Variants in DYNC2H1 observed in about 807,000 individuals in gnomAD.
DYNC2H1 encodes the protein cytoplasmic dynein 2 heavy chain 1.
In DYNC2H1, 410 loss-of-function variants were observed where a neutral mutation model predicts 570.0. The ratio of observed to expected loss-of-function variants is 0.72; its 90% CI spans 0.66 to 0.78. The LOEUF (loss-of-function observed/expected upper bound fraction) is 0.78, where lower values mean the gene tolerates loss of function less well. Ranked by LOEUF, DYNC2H1 falls within the 30% of genes least tolerant of loss-of-function variation. The probability of loss-of-function intolerance (pLI) is 0.00; values close to 1 mark genes in which losing one functional copy is unlikely to be tolerated. For missense variants in DYNC2H1, 4,865 were observed against 5,046.4 expected, an observed-to-expected ratio of 0.96 and a Z score of 1.09; for synonymous variants, 1,688 against 1,677.6, an observed-to-expected ratio of 1.01 and a Z score of -0.15.
At chr11:103,130,346 C>T (rs1406018305) in intron 13 of DYNC2H1, among the ~76,000 whole-genome samples, 1 of 152,140 alleles carries the variant, frequency 6.6e-6, no homozygotes, top group African/African-American at 2.4e-5. Context: ...TAAGGGACAT[C>T]TTTTAAGCAG....
At chr11:103,311,387 T>C (rs959431670) in intron 78 of DYNC2H1, among the ~76,000 whole-genome samples, 3 of 152,138 alleles carry the variant, frequency 2.0e-5, no homozygotes, top group Non-Finnish European at 1.5e-5. Context: ...TCTATGAACC[T>C]AGCAATGTTA....
intron 87 of DYNC2H1, among the ~76,000 whole-genome samples, chr11:103,459,525 A>C (rs1037455249): frequency 1.3e-4 from 20 of 152,082 alleles, no homozygotes; most frequent in Non-Finnish European, 2.8e-4. Context: ...TTGAGCGCCT[A>C]TAATAGGAGA....
chr11:103,182,331 A>T (rs1055193672), intron 40 of DYNC2H1, among the ~76,000 whole-genome samples: 3 of 151,174 alleles, frequency 2.0e-5, no homozygotes, highest in African/African-American at 7.3e-5. Flanking sequence ...TCACATATAT[A>T]TGATATATAT....
At chr11:103,208,058 G>A (rs901974022) in intron 52 of DYNC2H1, among the ~76,000 whole-genome samples, 6 of 151,970 alleles carry the variant, frequency 3.9e-5, no homozygotes, top group African/African-American at 1.2e-4. Flanking sequence ...AGTGATAGAA[G>A]AATGGGATGT....
intron 21 of DYNC2H1, among the ~76,000 whole-genome samples, chr11:103,152,960 CTA>C (rs1053942306): frequency 7.9e-5 from 12 of 152,136 alleles, no homozygotes; most frequent in African/African-American, 2.7e-4. Flanking sequence ...AATTTAGCAG[CTA>C]TATACTCAGG....
intron 84 of DYNC2H1, among the ~76,000 whole-genome samples, chr11:103,429,520 T>C (rs1190857466): frequency 6.6e-6 from 1 of 152,074 alleles, no homozygotes; most frequent in Non-Finnish European, 1.5e-5. Context: ...TGAACAAAGG[T>C]CTTGTTAAGA....
At chr11:103,173,438 T>C (rs1861658607) in intron 35 of DYNC2H1, 133 bp downstream of exon 35, 3 of 605,228 alleles carry the variant, frequency 5.0e-6, no homozygotes, top group Admixed American at 4.3e-5. Flanking sequence ...ATTGTACTTA[T>C]AGTGTAGCTA....
intron 88 of DYNC2H1, among the ~76,000 whole-genome samples, chr11:103,469,591 C>T (rs953722868): frequency 1.3e-5 from 2 of 152,214 alleles, no homozygotes; most frequent in African/African-American, 2.4e-5. Flanking sequence ...TCTTAAAAAG[C>T]GATAGCAGTT....
intron 18 of DYNC2H1, among the ~76,000 whole-genome samples, chr11:103,146,270 C>G (rs948597287): frequency 1.3e-5 from 2 of 152,078 alleles, no homozygotes; most frequent in African/African-American, 4.8e-5. Context: ...TTAAGAAAGG[C>G]AAATAGCTTT....
chr11:103,409,723 C>A, intron 84 of DYNC2H1: 1 of 154,874 alleles, frequency 6.5e-6, no homozygotes, highest in South Asian at 1.9e-4. Context: ...CACTGCTACT[C>A]ATGAATCTTC....
At chr11:103,470,157 G>A (rs1175905467) in intron 88 of DYNC2H1, among the ~76,000 whole-genome samples, 2 of 152,164 alleles carry the variant, frequency 1.3e-5, no homozygotes, top group African/African-American at 2.4e-5. Context: ...AATCAGGAAT[G>A]CAGTGCTGTC....
chr11:103,119,081 G>A (rs1029170827), intron 6 of DYNC2H1, among the ~76,000 whole-genome samples: 8 of 152,024 alleles, frequency 5.3e-5, no homozygotes, highest in East Asian at 1.9e-4. Flanking sequence ...GCATAGAAAC[G>A]GCAGTATAGA....
Position 103,151,611 on chromosome 11 carries a change from C to T in DYNC2H1, c.2947-525C>T, listed in dbSNP as rs1479515628. On this transcript the variant is annotated intron_variant, in intron 20 of 88. Transcript: ENST00000375735. The surrounding 1 kb of genome is among the most constrained non-coding windows in gnomAD (Gnocchi z 4.6). The stretch of plus-strand genomic sequence containing the variant: ...TGTTTAACAAACTGTTAGCTATATA[C>T]AACTTAGGGCACTTCAGTTAAAAAC... 6.6e-6 allele frequency among the ~76,000 whole-genome samples: 1 copy of T among 152,174 alleles called. No individual in the cohort carries two copies. Among genetic ancestry groups the T allele is most frequent in the African/African-American group, 2.4e-5 (1 of 41,434 alleles).
chr11:103,184,811 T>C (rs1862000048), intron 40 of DYNC2H1, 85 bp from the exon 41 acceptor site: 1 of 1,400,474 alleles, frequency 7.1e-7, no homozygotes, highest in African/African-American at 1.4e-5. Flanking sequence ...CTTGAAAAGG[T>C]ATGTGAACAT....
rs2512129 is a variant in DYNC2H1 at position 103,358,510 on chromosome 11, G to A, written c.12156+151G>A. Among the ~76,000 whole-genome samples, 102,946 of 151,990 alleles carry A rather than the reference G, an allele frequency of 0.68. 34,935 individuals are homozygous for A. Among genetic ancestry groups the A allele is most frequent in the Admixed American group, 0.73 (11,148 of 15,270 alleles). On this transcript the variant is annotated intron_variant, in intron 83 of 88. Coordinates refer to ENST00000375735, the MANE Select transcript of DYNC2H1 (RefSeq NM_001377.3). ...CCCATGACCTCCTTTCTTCATACCA[G>A]TGCACATCAAAGTTAGTATTTTTTA...
intron 4 of DYNC2H1, 22 bp downstream of exon 4, chr11:103,115,317 A>G: frequency 6.7e-7 from 1 of 1,494,208 alleles, no homozygotes; most frequent in Non-Finnish European, 9.1e-7. Context: ...ATAAATGGTG[A>G]TATATTGGGC....
At chr11:103,191,938 CTTA>C (rs1000327070) in intron 46 of DYNC2H1, among the ~76,000 whole-genome samples, 156 bp from the exon 47 acceptor site, 1 of 151,972 alleles carries the variant, frequency 6.6e-6, no homozygotes, top group Non-Finnish European at 1.5e-5. Context: ...CATGTACCAA[CTTA>C]TTAACAAAAT....
In DYNC2H1 at chr11:103,133,354, A is replaced by C. The variant is rs927601602; in HGVS notation, c.1954-201A>C. Reference sequence around the variant, plus strand: ...TGTTGTGTTATGTCTAGGGCTTTTTAGTTGTAAAAGGGAGAAGCTGGAAGA... The same window carrying C: ...TGTTGTGTTATGTCTAGGGCTTTTTCGTTGTAAAAGGGAGAAGCTGGAAGA... On this transcript the variant is annotated intron_variant, in intron 13 of 88. Coordinates refer to ENST00000375735, the MANE Select transcript of DYNC2H1 (RefSeq NM_001377.3). The surrounding 1 kb of genome is among the most constrained non-coding windows in gnomAD (Gnocchi z 4.8). Among the ~76,000 whole-genome samples the C allele has an allele frequency of 2.0e-5, 3 of 151,958 alleles. No homozygotes were observed. Among genetic ancestry groups the C allele is most frequent in the Non-Finnish European group, 4.4e-5 (3 of 68,012 alleles).
chr11:103,434,820 G>A (rs1345645088), intron 84 of DYNC2H1, among the ~76,000 whole-genome samples: 1 of 151,996 alleles, frequency 6.6e-6, no homozygotes. Flanking sequence ...CTCCACATGG[G>A]CCTCTCCAAA....
Sources: allele counts gnomAD v4.1 joint callset (sites outside exome capture counted in the v4.1 genomes callset), GRCh38; gene constraint gnomAD v4.1.1; non-coding constraint Gnocchi (gnomAD v3.1); transcripts MANE v1.5; gene names NCBI Gene and HGNC (gene_info 2026-07-23, HGNC 2026-07-21).